The following CCDC14 variants were observed in gnomAD, a reference collection of about 807,000 sequenced individuals.
CCDC14 encodes the protein coiled-coil domain containing 14, also known as coiled-coil domain-containing protein 14.
In CCDC14, 71 loss-of-function variants were observed where a neutral mutation model predicts 81.4. That is an observed-to-expected ratio of 0.87 (90% CI 0.72 to 1.06). The LOEUF (loss-of-function observed/expected upper bound fraction) is 1.06, where lower values mean the gene tolerates loss of function less well. CCDC14 is among the 50% of genes least tolerant of loss of function. The pLI is 0.00. For synonymous variants in CCDC14, 332 were observed against 364.8 expected, an observed-to-expected ratio of 0.91 and a Z score of 1.03; for missense variants, 1,046 against 1,047.3, an observed-to-expected ratio of 1.00 and a Z score of 0.02.
intron 5 of CCDC14, chr3:123,955,275 G>C (rs1310966764): frequency 6.6e-6 from 1 of 151,912 alleles, no homozygotes. Flanking sequence ...AGGCCTCCAA[G>C]GGACAACATA....
chr3:123,915,125 T>C lies in CCDC14; in HGVS notation c.2372A>G (p.Glu791Gly). 6.2e-7 allele frequency: 1 copy of C among 1,613,950 alleles called. No individual in the cohort carries two copies. Among genetic ancestry groups the C allele is most frequent in the African/African-American group, 1.3e-5 (1 of 75,062 alleles). The change falls in exon 13 of 13, where the codon GAA becomes GGA. Residue 791 changes from glutamate (E) to glycine (G), a missense_variant. Coordinates refer to ENST00000409697, the MANE Select transcript of CCDC14 (RefSeq NM_001366335.1). ...VICSSSTKEAEDAPEKLSRAS... is the reference protein window; with the variant it reads ...VICSSSTKEAGDAPEKLSRAS... ...TCTGGAAAGTTTTTCAGGTGCATCT[T>C]CTGCTTCCTTTGTTGAAGAGGAACA...
chr3:123,956,695 A>AAAATT, intron 2 of CCDC14, 45 bp downstream of exon 2: 2 of 1,480,482 alleles, frequency 1.4e-6, no homozygotes, highest in Non-Finnish European at 1.8e-6. Context: ...AAAGACCTGA[A>AAAATT]AAATTCCTTG....
chr3:123,930,215 T>C (rs1015245337), intron 12 of CCDC14, among the ~76,000 whole-genome samples: 21 of 152,348 alleles, frequency 1.4e-4, no homozygotes, highest in Admixed American at 7.8e-4. Context: ...ACTAAATTAA[T>C]AAATTAAATG....
intron 12 of CCDC14, among the ~76,000 whole-genome samples, chr3:123,928,221 G>C (rs765162516): frequency 6.6e-6 from 1 of 151,660 alleles, no homozygotes; most frequent in Non-Finnish European, 1.5e-5. Flanking sequence ...TATCTGGCCT[G>C]GCACGGTGGC....
At chr3:123,952,545 G>T in intron 5 of CCDC14, 1 of 508,434 alleles carries the variant, frequency 2.0e-6, no homozygotes, top group Non-Finnish European at 4.1e-6. Context: ...TACAATTCTG[G>T]AAGGGCTTCT....
chr3:123,899,114 G>A (rs186584002), intron 5 of CCDC14, among the ~76,000 whole-genome samples: 5 of 152,298 alleles, frequency 3.3e-5, no homozygotes, highest in Admixed American at 1.3e-4. Flanking sequence ...TTGAGTAGAA[G>A]TATAAATGGA....
In CCDC14 at chr3:123,956,408, G is replaced by C; in HGVS notation, c.106C>G (p.Pro36Ala). ...GKKATYLRKIPRFNADSGYSI... is the reference protein window; with the variant it reads ...GKKATYLRKIARFNADSGYSI... ...TAGCCAGAATCTGCATTAAAACGTG[G>C]TATTTTTCTTAAATAGGTCCTGGAA... The change falls in exon 3 of 13, where the codon CCA (proline) becomes GCA (alanine). Residue 36 changes from proline (P) to alanine (A), a missense_variant. Physicochemically the swap from Pro to Ala is conservative, Grantham distance 27. Transcript: ENST00000409697. The C allele has an allele frequency of 6.5e-7, 1 of 1,546,056 alleles. No individual in the cohort carries two copies. Among genetic ancestry groups the C allele is most frequent in the South Asian group, 1.2e-5 (1 of 82,650 alleles).
At position 123,915,271 on chromosome 3, in the gene CCDC14, T is replaced by C. The variant is rs1174996585; in HGVS notation, c.2226A>G (p.Lys742=). 12 of 1,613,846 alleles carry C rather than the reference T, an allele frequency of 7.4e-6. No individual in the cohort carries two copies. The highest frequency in any genetic ancestry group is 9.3e-6 in the Non-Finnish European group (11 of 1,179,902). The change falls in exon 13 of 13, where the codon AAA becomes AAG. Residue 742 remains lysine (K), a synonymous_variant. Coordinates refer to ENST00000409697, the MANE Select transcript of CCDC14 (RefSeq NM_001366335.1). ...GGGATAGTCTCTTAGAAAGTGGTGA[T>C]TTCTTTTCAGGAGTGCTTCTAGCAA... ...IPFARSTPEK[K]SPLSKRLSPQ...
At chr3:123,899,956 A>T (rs2034146614) in intron 5 of CCDC14, among the ~76,000 whole-genome samples, 1 of 152,158 alleles carries the variant, frequency 6.6e-6, no homozygotes, top group South Asian at 2.1e-4. Context: ...GAACCTCACC[A>T]GTTTGATTAA....
intron 5 of CCDC14, chr3:123,955,084 T>C (rs993721536): frequency 2.0e-5 from 3 of 152,210 alleles, no homozygotes; most frequent in African/African-American, 7.2e-5. Flanking sequence ...GATCTCTTTA[T>C]AGGGCTACTG....
At chr3:123,931,027 TA>T in intron 12 of CCDC14, 74 bp downstream of exon 12, 1 of 1,296,450 alleles carries the variant, frequency 7.7e-7, no homozygotes, top group Non-Finnish European at 1.0e-6. Flanking sequence ...AAAACAGGTC[TA>T]ACATTATTTT....
downstream of CCDC14, among the ~76,000 whole-genome samples, chr3:123,896,622 T>C (rs1462865985): frequency 2.0e-5 from 3 of 152,084 alleles, no homozygotes; most frequent in Non-Finnish European, 4.4e-5. Flanking sequence ...GATAGTAGAA[T>C]GGTAGCTACT....
In CCDC14 at chr3:123,949,143, A is replaced by G; in HGVS notation, c.353-11T>C. On this transcript the variant is annotated splice_polypyrimidine_tract_variant and intron_variant, in intron 5 of 12. Transcript: ENST00000409697. ...TATTATCTGAAGATGCTAATGTGGA[A>G]GAAGAAAAAAGTTCTTGAAATATGA... The G allele has an allele frequency of 6.7e-7, 1 of 1,498,598 alleles. No individual in the cohort carries two copies. Among genetic ancestry groups the G allele is most frequent in the Non-Finnish European group, 9.1e-7 (1 of 1,093,374 alleles). 92.8% of individuals were successfully genotyped at this position (1,498,598 alleles called of 1,614,324 possible).
At chr3:123,941,364 A>G (rs1453651433) in intron 9 of CCDC14, among the ~76,000 whole-genome samples, 1 of 152,054 alleles carries the variant, frequency 6.6e-6, no homozygotes, top group African/African-American at 2.4e-5. Context: ...AGATGGCAAT[A>G]AACTCCAAGA....
intron 12 of CCDC14, among the ~76,000 whole-genome samples, chr3:123,928,956 T>C (rs1441402370): frequency 6.6e-6 from 1 of 151,992 alleles, no homozygotes; most frequent in Non-Finnish European, 1.5e-5. Context: ...TAAAATGACA[T>C]AGGAAAGACA....
chr3:123,894,492 T>C (rs74280600), downstream of CCDC14, among the ~76,000 whole-genome samples: 3,407 of 152,328 alleles, frequency 0.022, 348 homozygotes, highest in East Asian at 0.34. Flanking sequence ...ATTTCTGCAA[T>C]AACATTGGGA....
intron 12 of CCDC14, among the ~76,000 whole-genome samples, chr3:123,926,183 T>C (rs1040315170): frequency 1.3e-5 from 2 of 152,224 alleles, no homozygotes; most frequent in Non-Finnish European, 2.9e-5. Context: ...TAAAAAAGCT[T>C]AATTTCTGGA....
intron 9 of CCDC14, among the ~76,000 whole-genome samples, chr3:123,943,280 A>C (rs1006041846): frequency 6.6e-6 from 1 of 152,012 alleles, no homozygotes; most frequent in African/African-American, 2.4e-5. Context: ...TGGTTCCTGA[A>C]GCAGCTTCAG....
chr3:123,931,010 G>C, intron 12 of CCDC14, 92 bp downstream of exon 12: 3 of 1,055,408 alleles, frequency 2.8e-6, no homozygotes, highest in Non-Finnish European at 4.0e-6. Context: ...AAAAAGATAT[G>C]GGGGAGAAAA....
Sources: gnomAD v4.1 joint callset for allele counts (sites outside exome capture counted in the v4.1 genomes callset) on GRCh38, gnomAD v4.1.1 for gene constraint, MANE v1.5 for transcripts, NCBI Gene and HGNC (gene_info 2026-07-23, HGNC 2026-07-21) for gene names.